Variants in FLT1 observed in about 807,000 individuals in gnomAD.
The protein encoded by FLT1 is vascular endothelial growth factor receptor 1.
A neutral mutation model predicts 156.3 loss-of-function variants in FLT1; 49 were observed. The ratio of observed to expected loss-of-function variants is 0.31; its 90% CI spans 0.25 to 0.40. The LOEUF (loss-of-function observed/expected upper bound fraction) is 0.40. Ranked by LOEUF, FLT1 falls within the 10% of genes least tolerant of loss-of-function variation. FLT1 has a pLI of 1.00. For synonymous variants in FLT1, 594 were observed against 583.8 expected, an observed-to-expected ratio of 1.02 and a Z score of -0.25; for missense variants, 1,322 against 1,637.2, an observed-to-expected ratio of 0.81 and a Z score of 3.32.
chr13:28,440,555 T>C (rs1878279469), intron 3 of FLT1, among the ~76,000 whole-genome samples: 1 of 152,110 alleles, frequency 6.6e-6, no homozygotes. Context: ...TGGTACTGCA[T>C]AGTGTTGGAG....
chr13:28,399,010 T>C (rs375808619), intron 11 of FLT1: 15 of 1,452,200 alleles, frequency 1.0e-5, no homozygotes, highest in Non-Finnish European at 1.4e-5. Context: ...TGAATAGCCA[T>C]TTCCTTGTAA....
chr13:28,311,701 A>T lies in FLT1; in HGVS notation c.3524T>A (p.Ile1175Lys). Residue 1175 changes from isoleucine to lysine, a missense_variant, in exon 27 of 30, where the codon ATA becomes AAA. This residue lies in a region of FLT1 where 329 missense variants were observed against 366.2 expected (regional missense o/e 0.90). Coordinates refer to ENST00000282397, the MANE Select transcript of FLT1 (RefSeq NM_002019.4). ...TGTAAACCCACTATTTCCTGTCAGT[A>T]TGGCATTGATTGGGATGTAGTCTTT... ...DGKDYIPINAILTGNSGFTYS... is the reference protein window; with the variant it reads ...DGKDYIPINAKLTGNSGFTYS... 1 of 1,614,056 alleles carries T rather than the reference A, an allele frequency of 6.2e-7. No individual in the cohort carries two copies. Among genetic ancestry groups the T allele is most frequent in the Non-Finnish European group, 8.5e-7 (1 of 1,179,952 alleles).
At chr13:28,485,736 G>C (rs749933271) in intron 1 of FLT1, among the ~76,000 whole-genome samples, 1 of 152,176 alleles carries the variant, frequency 6.6e-6, no homozygotes. Context: ...TGTTGTAGGC[G>C]TTCCAAAGCC....
intron 11 of FLT1, among the ~76,000 whole-genome samples, chr13:28,404,985 A>G (rs1875692109): frequency 6.7e-6 from 1 of 149,486 alleles, no homozygotes; most frequent in Non-Finnish European, 1.5e-5. Flanking sequence ...ACGCCATCGC[A>G]CTCCAGCCTG....
chr13:28,399,200 G>T, intron 11 of FLT1: 2 of 890,346 alleles, frequency 2.2e-6, no homozygotes, highest in Non-Finnish European at 3.3e-6. Context: ...AAAGCAGTAT[G>T]CAAAAAATTC....
chr13:28,346,181 A>T, intron 15 of FLT1: 1 of 153,014 alleles, frequency 6.5e-6, no homozygotes, highest in Non-Finnish European at 1.5e-5. Flanking sequence ...CTGAGATAGA[A>T]GAGGCAATTG....
intron 16 of FLT1, among the ~76,000 whole-genome samples, chr13:28,341,837 C>T (rs1872344586): frequency 6.6e-6 from 1 of 152,120 alleles, no homozygotes. Context: ...AAATAGAAGG[C>T]ACCTCTTCAA....
At chr13:28,343,485 G>C (rs1202429479) in intron 16 of FLT1, among the ~76,000 whole-genome samples, 1 of 151,324 alleles carries the variant, frequency 6.6e-6, no homozygotes, top group African/African-American at 2.4e-5. Flanking sequence ...ATTTTTAGTA[G>C]AGACGGGTTT....
At chr13:28,396,418 A>C (rs1293444942) in intron 12 of FLT1, among the ~76,000 whole-genome samples, 1 of 152,214 alleles carries the variant, frequency 6.6e-6, no homozygotes, top group African/African-American at 2.4e-5. Context: ...TAAGATTTGC[A>C]GAGACCATCA....
intron 25 of FLT1, among the ~76,000 whole-genome samples, chr13:28,315,936 A>T (rs924570936): frequency 6.6e-5 from 10 of 152,224 alleles, no homozygotes; most frequent in Non-Finnish European, 1.5e-4. Context: ...CAGTTTCATT[A>T]CTTGCTAAAT....
At chr13:28,463,423 G>A (rs1037985295) in intron 3 of FLT1, among the ~76,000 whole-genome samples, 3 of 152,120 alleles carry the variant, frequency 2.0e-5, no homozygotes, top group African/African-American at 7.2e-5. Flanking sequence ...TGTAGACAGA[G>A]CTATACTCCT....
intron 3 of FLT1, 137 bp from the exon 4 acceptor site, chr13:28,438,482 C>T (rs916404359): frequency 1.4e-6 from 1 of 710,950 alleles, no homozygotes; most frequent in Non-Finnish European, 2.4e-6. Flanking sequence ...ACATTCACAT[C>T]TTTGTCTCTG....
chr13:28,366,532 C>T (rs759869427), intron 14 of FLT1, among the ~76,000 whole-genome samples: 3 of 151,830 alleles, frequency 2.0e-5, no homozygotes, highest in East Asian at 1.9e-4. Context: ...TGAAATGGCA[C>T]GATCTCGGCT....
intron 13 of FLT1, chr13:28,386,556 G>A (rs1330907627): frequency 9.5e-7 from 1 of 1,054,312 alleles, no homozygotes; most frequent in Non-Finnish European, 1.1e-6. Context: ...TTGCCTCTTT[G>A]AGCATGTCTT....
chr13:28,452,346 A>G (rs528723812), intron 3 of FLT1, among the ~76,000 whole-genome samples: 1 of 152,272 alleles, frequency 6.6e-6, no homozygotes, highest in African/African-American at 2.4e-5. Flanking sequence ...ACTTTTCTGT[A>G]AAGGAATTTC....
intron 14 of FLT1, among the ~76,000 whole-genome samples, chr13:28,383,391 T>C (rs983137573): frequency 2.4e-4 from 37 of 152,278 alleles, no homozygotes; most frequent in African/African-American, 8.9e-4. Context: ...GAGCCGGGTG[T>C]GGTGGCTCAT....
At chr13:28,469,939 AGATGGGGTTTC>A (rs1435431900) in intron 1 of FLT1, among the ~76,000 whole-genome samples, 1 of 151,980 alleles carries the variant, frequency 6.6e-6, no homozygotes, top group African/African-American at 2.4e-5. Context: ...TTTTTAGTAG[AGATGGGGTTTC>A]GTCATGTTTG....
At position 28,430,109 on chromosome 13, in the gene FLT1, G is replaced by C; in HGVS notation, c.1047C>G (p.Gly349=). ...RKQQVLETVA[G]KRSYRLSMKV... ...TCATAGAGAGCCGGTAAGACCGCTT[G>C]CCAGCTACGGTTTCAAGCACCTGCT... is the stretch of plus-strand genomic sequence containing the variant. Residue 349 remains glycine, a synonymous_variant, in exon 8 of 30, where the codon GGC becomes GGG. Coordinates refer to ENST00000282397, the MANE Select transcript of FLT1 (RefSeq NM_002019.4). 1 of 1,613,926 alleles carries C rather than the reference G, an allele frequency of 6.2e-7. No homozygotes were observed.
chr13:28,386,107 A>C (rs927497617), intron 13 of FLT1: 1 of 1,053,554 alleles, frequency 9.5e-7, no homozygotes, highest in Admixed American at 5.5e-5. Context: ...TTCTCTGCCC[A>C]TTTTCGATTT....
Sources: gnomAD v4.1 joint callset for allele counts (sites outside exome capture counted in the v4.1 genomes callset) on GRCh38, gnomAD v4.1.1 for gene constraint, gnomAD v4.1.1 regional missense constraint, MANE v1.5 for transcripts, NCBI Gene and HGNC (gene_info 2026-07-23, HGNC 2026-07-21) for gene names.